ADGRL3: variants seen among roughly 807,000 people sequenced by gnomAD.
ADGRL3 encodes the protein adhesion G protein-coupled receptor L3, also known as calcium-independent alpha-latrotoxin receptor 3.
In ADGRL3, 62 loss-of-function variants were observed where a neutral mutation model predicts 153.5. The observed-to-expected ratio is 0.40, with a 90% CI of 0.33 to 0.50. ADGRL3 has a LOEUF of 0.50. Ranked by LOEUF, ADGRL3 falls within the 20% of genes least tolerant of loss-of-function variation. ADGRL3 has a pLI of 0.47. For synonymous variants in ADGRL3, 710 were observed against 672.5 expected (o/e 1.06, Z -0.86); for missense variants, 1,641 against 1,859.4 (o/e 0.88, Z 2.16).
rs933421860 is a variant in ADGRL3, at chr4:61,793,644, C to T, written c.1400-20165C>T. Among the ~76,000 whole-genome samples the T allele has an allele frequency of 2.6e-5, 4 of 152,226 alleles. No homozygotes were observed. In the East Asian group the frequency reaches 7.8e-4, roughly 30 times the overall value. ...TTGTCTTTTGCAACAACTAATTTTA[C>T]CCCCAGCCTCCATTCTCAACATACT... On this transcript the variant is annotated intron_variant, in intron 8 of 26. Coordinates refer to ENST00000683033, the MANE Select transcript of ADGRL3 (RefSeq NM_001387552.1).
At chr4:61,395,348 T>G (rs970723283) in intron 2 of ADGRL3, among the ~76,000 whole-genome samples, 2 of 152,004 alleles carry the variant, frequency 1.3e-5, no homozygotes, top group East Asian at 1.9e-4. Context: ...TAAAAACCTT[T>G]GCTGTATATA....
chr4:61,394,243 T>C (rs2096844709), intron 2 of ADGRL3, among the ~76,000 whole-genome samples: 1 of 152,056 alleles, frequency 6.6e-6, no homozygotes, highest in African/African-American at 2.4e-5. Flanking sequence ...AGGAAAAATC[T>C]TTTTATATTA....
At chr4:61,337,337 A>G (rs2095700407) in intron 1 of ADGRL3, among the ~76,000 whole-genome samples, 2 of 152,176 alleles carry the variant, frequency 1.3e-5, no homozygotes, top group African/African-American at 4.8e-5. Context: ...GACAAGTGAC[A>G]GTTACAAATT....
chr4:61,743,039 G>T, intron 8 of ADGRL3, among the ~76,000 whole-genome samples: 1 of 150,064 alleles, frequency 6.7e-6, no homozygotes, highest in Non-Finnish European at 1.5e-5. Flanking sequence ...AAACAATTCT[G>T]GCTGGGCTCG....
At chr4:61,377,860 C>A (rs1025243480) in intron 1 of ADGRL3, among the ~76,000 whole-genome samples, 2 of 151,938 alleles carry the variant, frequency 1.3e-5, no homozygotes, top group Non-Finnish European at 2.9e-5. Flanking sequence ...GTACTGCTTT[C>A]ACTGCATCCC....
chr4:61,760,130 G>C (rs1418269694), intron 8 of ADGRL3, among the ~76,000 whole-genome samples: 4 of 152,192 alleles, frequency 2.6e-5, no homozygotes, highest in Non-Finnish European at 5.9e-5. Context: ...GAGGCAGTCT[G>C]TCTGTTCTCA....
chr4:61,312,911 C>G (rs1185028105), intron 1 of ADGRL3, among the ~76,000 whole-genome samples: 1 of 152,142 alleles, frequency 6.6e-6, no homozygotes, highest in Non-Finnish European at 1.5e-5. Flanking sequence ...CCAAACAAAA[C>G]CCTTCACATT....
chr4:61,380,052 G>A (rs555531833), intron 1 of ADGRL3, among the ~76,000 whole-genome samples: 23 of 151,924 alleles, frequency 1.5e-4, no homozygotes, highest in African/African-American at 4.1e-4. Flanking sequence ...TGCCAAAAAA[G>A]TAAGAATTTT....
chr4:61,557,866 A>G (rs2098774494), intron 4 of ADGRL3, among the ~76,000 whole-genome samples: 1 of 151,604 alleles, frequency 6.6e-6, no homozygotes, highest in African/African-American at 2.4e-5. Flanking sequence ...CTATGGCCCC[A>G]GCAGTTTTCA....
At chr4:61,563,182 C>T (rs544901928) in intron 4 of ADGRL3, among the ~76,000 whole-genome samples, 2 of 152,256 alleles carry the variant, frequency 1.3e-5, no homozygotes, top group East Asian at 3.9e-4. Flanking sequence ...ATGAAAACAA[C>T]ATTAATGTCC....
At chr4:61,816,601 T>C (rs2097690999) in intron 9 of ADGRL3, among the ~76,000 whole-genome samples, 1 of 152,044 alleles carries the variant, frequency 6.6e-6, no homozygotes, top group Admixed American at 6.6e-5. Context: ...ATATAAAAAG[T>C]AAAATAAATG....
In ADGRL3 at chr4:61,799,440, G is replaced by GT. The variant is rs2097461320; in HGVS notation, c.1400-14362dup. ...TCTCTTTCTATAACTACTTCTGTAT[G>GT]TTTTTTTCTTCTAAACTTTTAAAAA... On this transcript the variant is annotated intron_variant, in intron 8 of 26. Coordinates refer to ENST00000683033, the MANE Select transcript of ADGRL3 (RefSeq NM_001387552.1). Among the ~76,000 whole-genome samples the GT allele has an allele frequency of 2.6e-5, 4 of 151,966 alleles. No homozygotes were observed. The South Asian group carries it at 6.2e-4, about 24-fold the overall frequency.
intron 17 of ADGRL3, among the ~76,000 whole-genome samples, chr4:61,961,879 T>C (rs1269967493): frequency 1.3e-5 from 2 of 152,162 alleles, no homozygotes; most frequent in African/African-American, 4.8e-5. Flanking sequence ...CTCCACTCTT[T>C]TACAGAACTT....
In ADGRL3 at chr4:61,859,904, C is replaced by A. The variant is rs186967160; in HGVS notation, c.1481-32752C>A. ...ATGTTAAAGAAATAAATGACATTGT[C>A]TTTTTCCAGTGCTTGTCTGAGTTAG... On this transcript the variant is annotated intron_variant, in intron 9 of 26. Coordinates refer to ENST00000683033, the MANE Select transcript of ADGRL3 (RefSeq NM_001387552.1). Among the ~76,000 whole-genome samples the A allele has an allele frequency of 6.6e-5, 10 of 152,236 alleles. No individual in the cohort carries two copies. The East Asian group carries it at 1.9e-3, about 29-fold the overall frequency.
intron 1 of ADGRL3, among the ~76,000 whole-genome samples, chr4:61,366,943 A>C (rs2096408911): frequency 1.3e-5 from 2 of 152,204 alleles, no homozygotes; most frequent in African/African-American, 4.8e-5. Context: ...ACAGTTAGCT[A>C]GCCCCACTTT....
At chr4:61,593,360 T>C (rs1358632329) in intron 5 of ADGRL3, among the ~76,000 whole-genome samples, 1 of 152,052 alleles carries the variant, frequency 6.6e-6, no homozygotes, top group Non-Finnish European at 1.5e-5. Context: ...TTTTTTGTTG[T>C]TGTTTGTTTG....
chr4:61,771,977 A>C (rs575023611), intron 8 of ADGRL3, among the ~76,000 whole-genome samples: 1 of 152,154 alleles, frequency 6.6e-6, no homozygotes, highest in Non-Finnish European at 1.5e-5. Flanking sequence ...AGCCATCTTC[A>C]TATCTCAGGG....
chr4:61,357,454 C>T (rs2151430484), intron 1 of ADGRL3, among the ~76,000 whole-genome samples: 1 of 152,142 alleles, frequency 6.6e-6, no homozygotes, highest in Non-Finnish European at 1.5e-5. Flanking sequence ...GAAATTTGTT[C>T]TTGCAAGTTA....
At chr4:61,999,267 C>A (rs556287899) in intron 21 of ADGRL3, among the ~76,000 whole-genome samples, 1 of 152,094 alleles carries the variant, frequency 6.6e-6, no homozygotes, top group Admixed American at 6.6e-5. Flanking sequence ...CACTTTTGTA[C>A]GTTCAGAAAG....
Sources: gnomAD v4.1 joint callset for allele counts (sites outside exome capture counted in the v4.1 genomes callset) on GRCh38, gnomAD v4.1.1 for gene constraint, MANE v1.5 for transcripts, NCBI Gene and HGNC (gene_info 2026-07-23, HGNC 2026-07-21) for gene names.